The following PRMT8 variants were observed in gnomAD, a reference collection of about 807,000 sequenced individuals.
PRMT8 encodes protein arginine methyltransferase 8, also known as protein arginine N-methyltransferase 8.
In PRMT8, 7 loss-of-function variants were observed where a neutral mutation model predicts 47.1. That is an observed-to-expected ratio of 0.15 (90% CI 0.08 to 0.28). The LOEUF is 0.28. Among genes scored for constraint, PRMT8 ranks in the 10% least tolerant of loss-of-function variants. PRMT8 has a pLI of 1.00. For synonymous variants in PRMT8, 188 were observed against 186.5 expected, an observed-to-expected ratio of 1.01 and a Z score of -0.07; for missense variants, 237 against 505.4, an observed-to-expected ratio of 0.47 and a Z score of 5.09.
At chr12:3,408,988 T>C (rs1435425226) in intron 1 of PRMT8, among the ~76,000 whole-genome samples, 2 of 152,194 alleles carry the variant, frequency 1.3e-5, no homozygotes, top group Admixed American at 6.5e-5. Context: ...GTATCCTTCT[T>C]GGTGTTGGGT....
At chr12:3,547,026 T>C (rs970302617) in intron 2 of PRMT8, among the ~76,000 whole-genome samples, 2 of 152,228 alleles carry the variant, frequency 1.3e-5, no homozygotes, top group Admixed American at 1.3e-4. Flanking sequence ...AAAAGTCATA[T>C]ACCATCTCAA....
intron 2 of PRMT8, among the ~76,000 whole-genome samples, 161 bp from the exon 3 acceptor site, chr12:3,549,775 A>C (rs778286451): frequency 1.3e-5 from 2 of 152,214 alleles, no homozygotes; most frequent in African/African-American, 2.4e-5. Flanking sequence ...TGCTGTTAGC[A>C]CATGGCCCAG....
chr12:3,567,880 T>C (rs565217908), intron 4 of PRMT8, among the ~76,000 whole-genome samples: 14 of 152,142 alleles, frequency 9.2e-5, no homozygotes, highest in East Asian at 5.8e-4. Context: ...TTGAGACCAC[T>C]CTGGCCAACA....
intron 1 of PRMT8, among the ~76,000 whole-genome samples, chr12:3,485,199 A>G (rs556345690): frequency 1.6e-4 from 24 of 152,194 alleles, no homozygotes; most frequent in Non-Finnish European, 3.4e-4. Flanking sequence ...CCTCTCGGAA[A>G]GAATGCCCCA....
At chr12:3,499,177 A>ATTTT (rs72188429) in intron 1 of PRMT8, among the ~76,000 whole-genome samples, 1 of 128,638 alleles carries the variant, frequency 7.8e-6, no homozygotes, top group Admixed American at 7.7e-5. Flanking sequence ...TTATTTATTT[A>ATTTT]TTTTTTTTTT....
intron 1 of PRMT8, among the ~76,000 whole-genome samples, chr12:3,389,627 A>G (rs2137044927): frequency 6.6e-6 from 1 of 152,308 alleles, no homozygotes; most frequent in African/African-American, 2.4e-5. Flanking sequence ...GGGGAAGCGT[A>G]TAATATGACA....
At chr12:3,581,158 G>C (rs1166220867) in intron 7 of PRMT8, among the ~76,000 whole-genome samples, 1 of 152,320 alleles carries the variant, frequency 6.6e-6, no homozygotes, top group South Asian at 2.1e-4. Context: ...ACCTGATGTG[G>C]TCAGTATAAC....
rs189756089 is a variant in PRMT8 at position 3,422,323 on chromosome 12, T to A, written c.48+40881T>A. ...CATGGGTTTTGGAATCAGGCAGGGA[T>A]CTGTGCTTAAATTTTGGCTTTGCCT... On this transcript the variant is annotated intron_variant, in intron 1 of 9. Transcript: ENST00000452611. Among the ~76,000 whole-genome samples the A allele has an allele frequency of 2.7e-3, 412 of 152,314 alleles. 1 individual carries two copies. The highest frequency in any genetic ancestry group is 0.01 in the Middle Eastern group (3 of 294).
rs966760761 is a variant in PRMT8 at position 3,552,386 on chromosome 12, C to T, written c.418-1265C>T. On this transcript the variant is annotated intron_variant, in intron 3 of 9. Coordinates refer to ENST00000382622, the MANE Select transcript of PRMT8 (RefSeq NM_019854.5). This position sits in a 1 kb window ranked among gnomAD's most constrained non-coding sequence, Gnocchi z 4.5. The stretch of plus-strand genomic sequence containing the variant: ...GGCTGAGTTTACCCTCACACACTCA[C>T]GTGCATTGGGGGCTTCGACTTCTCT... 9 of 202,590 alleles carry T rather than the reference C, an allele frequency of 4.4e-5. No homozygotes were observed. The highest frequency in any genetic ancestry group is 1.2e-4 in the African/African-American group (5 of 42,854). 12.5% of individuals were successfully genotyped at this position (202,590 alleles called of 1,614,324 possible).
rs1387772461 is a variant in PRMT8, at chr12:3,535,665, A to G, written c.76-4941A>G. 6.6e-6 allele frequency among the ~76,000 whole-genome samples: 1 copy of G among 152,194 alleles called. No individual in the cohort carries two copies. The highest frequency in any genetic ancestry group is 2.1e-4 in the South Asian group (1 of 4,830). Reference sequence around the variant, plus strand: ...GCAGAGCAGGCAGGGCCAGACCTCCAGGGTGATGTGGGCACAGGAACCCTG... The same window carrying G: ...GCAGAGCAGGCAGGGCCAGACCTCCGGGGTGATGTGGGCACAGGAACCCTG... On this transcript the variant is annotated intron_variant, in intron 1 of 9. Transcript: ENST00000382622. The surrounding 1 kb of genome is among the most constrained non-coding windows in gnomAD (Gnocchi z 4.7).
At chr12:3,491,833 TGTGTGTGTGTGTG>T (rs1289919569) in intron 1 of PRMT8, 133 bp downstream of exon 1, 676 of 43,770 alleles carry the variant, frequency 0.015, 31 homozygotes, top group Middle Eastern at 0.03. Flanking sequence ...GGCCTCCTCC[TGTGTGTGTGTGTG>T]TGTGTGTGTG....
chr12:3,583,055 C>T lies in PRMT8; in HGVS notation c.829-3C>T. On this transcript the variant is annotated splice_region_variant and splice_polypyrimidine_tract_variant and intron_variant, in intron 7 of 9. Coordinates refer to ENST00000382622, the MANE Select transcript of PRMT8 (RefSeq NM_019854.5). This position sits in a 1 kb window ranked among gnomAD's most constrained non-coding sequence, Gnocchi z 4.7. Reference sequence around the variant, plus strand: ...CCGGCATTCTCTCTTCTCTGGGCTGCAGGAGGTGGACATTTACACAGTGAA... The same window carrying T: ...CCGGCATTCTCTCTTCTCTGGGCTGTAGGAGGTGGACATTTACACAGTGAA... 3 of 1,612,344 alleles carry T rather than the reference C, an allele frequency of 1.9e-6. No homozygotes were observed.
chr12:3,560,825 C>G (rs1866623856), intron 4 of PRMT8, among the ~76,000 whole-genome samples: 1 of 152,152 alleles, frequency 6.6e-6, no homozygotes, highest in South Asian at 2.1e-4. Flanking sequence ...AATCTCTTCC[C>G]CCTTCTGAGC....
At chr12:3,582,690 GCCTGGGTGGA>G (rs1195951682) in intron 7 of PRMT8, among the ~76,000 whole-genome samples, 4 of 152,154 alleles carry the variant, frequency 2.6e-5, no homozygotes, top group Admixed American at 6.5e-5. Context: ...ATGGAGCAGT[GCCTGGGTGGA>G]CCACTCGAGG....
At position 3,580,036 on chromosome 12, in the gene PRMT8, T is replaced by A. The variant is rs4765740; in HGVS notation, c.829-3022T>A. On this transcript the variant is annotated intron_variant, in intron 7 of 9. Coordinates refer to ENST00000382622, the MANE Select transcript of PRMT8 (RefSeq NM_019854.5). The surrounding 1 kb of genome is among the most constrained non-coding windows in gnomAD (Gnocchi z 4.6). ...TGATTTGGTTGGGGGTTGGGGAACCTGAGCCCAGAGGACCTTTGTGTTTTT... is the reference window on the plus strand; with the variant it reads ...TGATTTGGTTGGGGGTTGGGGAACCAGAGCCCAGAGGACCTTTGTGTTTTT... Among the ~76,000 whole-genome samples the A allele has an allele frequency of 0.4, 60,604 of 151,842 alleles. 12,494 individuals carry two copies. The highest frequency in any genetic ancestry group is 0.49 in the Admixed American group (7,439 of 15,264).
At position 3,482,059 on chromosome 12, in the gene PRMT8, G is replaced by T. The variant is rs118040269; in HGVS notation, c.49-58547G>T. Among the ~76,000 whole-genome samples the T allele has an allele frequency of 5.0e-3, 763 of 152,292 alleles. 2 individuals are homozygous for T. The highest frequency in any genetic ancestry group is 8.8e-3 in the Non-Finnish European group (597 of 68,030). Reference sequence around the variant, plus strand: ...CCAATCTTTGTCTCAGCTAACTTGAGATAAAATGAGGCTGAAGGAAAAGGG... The same window carrying T: ...CCAATCTTTGTCTCAGCTAACTTGATATAAAATGAGGCTGAAGGAAAAGGG... On this transcript the variant is annotated intron_variant, in intron 1 of 9. Transcript: ENST00000452611.
chr12:3,438,248 C>G (rs532286729), intron 1 of PRMT8, among the ~76,000 whole-genome samples: 6 of 152,292 alleles, frequency 3.9e-5, no homozygotes, highest in Non-Finnish European at 8.8e-5. Context: ...ATGCAAGGTC[C>G]TCCTGCAAGG....
intron 1 of PRMT8, chr12:3,469,105 C>T: frequency 2.1e-6 from 1 of 487,098 alleles, no homozygotes; most frequent in South Asian, 1.6e-5. Context: ...CAGTCAGGGA[C>T]ATTTCTGAAG....
chr12:3,482,712 A>T (rs1865286165), intron 1 of PRMT8, among the ~76,000 whole-genome samples: 2 of 152,128 alleles, frequency 1.3e-5, no homozygotes, highest in Non-Finnish European at 2.9e-5. Context: ...TGTGCCTGAG[A>T]GTTGAACAAC....
Sources: allele counts gnomAD v4.1 joint callset (sites outside exome capture counted in the v4.1 genomes callset), GRCh38; gene constraint gnomAD v4.1.1; non-coding constraint Gnocchi (gnomAD v3.1); transcripts MANE v1.5; gene names NCBI Gene and HGNC (gene_info 2026-07-23, HGNC 2026-07-21).